The following CDC37 variants were observed in gnomAD, a reference collection of about 807,000 sequenced individuals.
CDC37 encodes hsp90 co-chaperone Cdc37.
CDC37 carries 9 observed loss-of-function variants against 46.9 expected under a neutral mutation model. The ratio of observed to expected loss-of-function variants is 0.19; its 90% CI spans 0.12 to 0.33. The LOEUF is 0.33. CDC37 is among the 10% of genes least tolerant of loss of function. The probability of loss-of-function intolerance (pLI) is 1.00; values close to 1 mark genes in which losing one functional copy is unlikely to be tolerated. For synonymous variants in CDC37, 193 were observed against 191.0 expected (o/e 1.01, Z -0.09); for missense variants, 388 against 514.6 (o/e 0.75, Z 2.38).
intron 7 of CDC37, among the ~76,000 whole-genome samples, chr19:10,392,398 A>G (rs973321880): frequency 2.0e-5 from 3 of 152,178 alleles, no homozygotes; most frequent in African/African-American, 7.2e-5. Flanking sequence ...AGAAGCTTCT[A>G]GAAACTCAGG....
At chr19:10,394,974 T>A (rs760577381) in intron 5 of CDC37, 47 bp downstream of exon 5, 1 of 1,508,902 alleles carries the variant, frequency 6.6e-7, no homozygotes, top group South Asian at 1.4e-5. Context: ...GTGGGCTGGT[T>A]CCCTGGGGAG....
intron 1 of CDC37, among the ~76,000 whole-genome samples, chr19:10,399,727 C>T (rs1444212535): frequency 6.7e-6 from 1 of 149,868 alleles, no homozygotes; most frequent in Non-Finnish European, 1.5e-5. Context: ...GTCAGGAGTT[C>T]GGGACCAGCC....
rs2042501374 is a variant in CDC37 at position 10,398,111 on chromosome 19, C to T, written c.103-1908G>A. 6.6e-6 allele frequency among the ~76,000 whole-genome samples: 1 copy of T among 152,214 alleles called. No individual in the cohort carries two copies. Among genetic ancestry groups the T allele is most frequent in the Non-Finnish European group, 1.5e-5 (1 of 68,040 alleles). The stretch of plus-strand genomic sequence containing the variant: ...TTGCTGACCCTCTCCAATCCAGGCA[C>T]AGCTGCCACCAGGGAGGCCTGTGAA... On this transcript the variant is annotated intron_variant, in intron 1 of 7. Transcript: ENST00000222005. This position sits in a 1 kb window ranked among gnomAD's most constrained non-coding sequence, Gnocchi z 4.2.
rs143150466 is a variant in CDC37, at chr19:10,396,431, G to C, written c.103-228C>G. On this transcript the variant is annotated intron_variant, in intron 1 of 7. Transcript: ENST00000222005. The surrounding 1 kb of genome is among the most constrained non-coding windows in gnomAD (Gnocchi z 5.9). ...CCCTGGCGGCTCCCATCTCACAGCA[G>C]AACCCAAGTTGTCACCACAGCCTAC... Among the ~76,000 whole-genome samples the C allele has an allele frequency of 1.3e-5, 2 of 152,180 alleles. No homozygotes were observed. The highest frequency in any genetic ancestry group is 2.4e-5 in the African/African-American group (1 of 41,448).
At chr19:10,392,806 GA>G (rs2042464702) in intron 7 of CDC37, 1 of 526,572 alleles carries the variant, frequency 1.9e-6, no homozygotes, top group African/African-American at 1.9e-5. Context: ...GATATTGAGA[GA>G]AAATGTGGTT....
intron 1 of CDC37, among the ~76,000 whole-genome samples, chr19:10,397,844 A>G (rs2042499924): frequency 2.0e-5 from 3 of 151,898 alleles, no homozygotes. Context: ...CCCCAGCCCC[A>G]GATGTCACTC....
rs774703821 is a variant in CDC37, at chr19:10,393,189, T to A, written c.910-32A>T. On this transcript the variant is annotated intron_variant, in intron 6 of 7. Transcript: ENST00000222005. The surrounding 1 kb of genome is among the most constrained non-coding windows in gnomAD (Gnocchi z 4.9). ...GTACAGAGGGGCTGGGGTCAGGGGC[T>A]GGGTCCCTGTGGCCCTGGGGGGTCC... The A allele has an allele frequency of 3.7e-6, 6 of 1,609,730 alleles. No homozygotes were observed. The highest frequency in any genetic ancestry group is 4.5e-5 in the East Asian group (2 of 44,852).
In CDC37 at chr19:10,391,655, T is replaced by A. The variant is rs1462161237; in HGVS notation, c.1033A>T (p.Asn345Tyr). ...RCIDSGLWVP[N>Y]SKASEAKEGE... ...TCCTTGGCCTCGCTGGCCTTAGAGT[T>A]GGGGACCCAGAGGCCAGAGTCAATG... Residue 345 changes from asparagine (N) to tyrosine (Y), a missense_variant, in exon 8 of 8, where the codon AAC (asparagine) becomes TAC (tyrosine). Transcript: ENST00000222005. 6.2e-7 allele frequency: 1 copy of A among 1,614,116 alleles called. No homozygotes were observed. Among genetic ancestry groups the A allele is most frequent in the Non-Finnish European group, 8.5e-7 (1 of 1,179,992 alleles).
chr19:10,396,110 T>G lies in CDC37; in HGVS notation c.196A>C (p.Arg66=), dbSNP rs2042490695. 1 of 1,613,956 alleles carries G rather than the reference T, an allele frequency of 6.2e-7. No individual in the cohort carries two copies. The highest frequency in any genetic ancestry group is 1.1e-5 in the South Asian group (1 of 91,078). Residue 66 remains arginine, a synonymous_variant, in exon 2 of 8, where the codon AGG becomes CGG. Coordinates refer to ENST00000222005, the MANE Select transcript of CDC37 (RefSeq NM_007065.4). This position sits in a 1 kb window ranked among gnomAD's most constrained non-coding sequence, Gnocchi z 5.9. ...GCCACCTCCAGCTCCTTCAGTTTCC[T>G]CTGGCACTCGGCCACCTTGCGCTTG... The part of the protein sequence containing the change: ...ECKRKVAECQ[R]KLKELEVAEG...
At chr19:10,401,840 G>A (rs1482166490) in intron 1 of CDC37, among the ~76,000 whole-genome samples, 2 of 152,164 alleles carry the variant, frequency 1.3e-5, no homozygotes, top group African/African-American at 2.4e-5. Flanking sequence ...AAGGTTCTGA[G>A]AGGTATATGC....
Position 10,396,830 on chromosome 19 carries a change from A to G in CDC37, c.103-627T>C, listed in dbSNP as rs117212300. Reference sequence around the variant, plus strand: ...AGCGATCCTTCCCTCTCGGCCTCCCAAAGTGCTGGGACTACAGGCGGGAGC... The same window carrying G: ...AGCGATCCTTCCCTCTCGGCCTCCCGAAGTGCTGGGACTACAGGCGGGAGC... On this transcript the variant is annotated intron_variant, in intron 1 of 7. Coordinates refer to ENST00000222005, the MANE Select transcript of CDC37 (RefSeq NM_007065.4). The surrounding 1 kb of genome is among the most constrained non-coding windows in gnomAD (Gnocchi z 5.9). Among the ~76,000 whole-genome samples the G allele has an allele frequency of 0.029, 4,407 of 152,274 alleles. 104 individuals are homozygous for G. Among genetic ancestry groups the G allele is most frequent in the Non-Finnish European group, 0.045 (3,063 of 68,018 alleles).
At chr19:10,391,770 G>A (rs2145415158) in intron 7 of CDC37, 64 bp from the exon 8 acceptor site, 2 of 1,553,076 alleles carry the variant, frequency 1.3e-6, no homozygotes, top group South Asian at 1.1e-5. Flanking sequence ...TGTCCCCGTT[G>A]TCCCTTGCAC....
rs773978075 is a variant in CDC37 at position 10,395,332 on chromosome 19, G to A, written c.499C>T (p.Arg167Cys). ...KQIKHFGMLRRWDDSQKYLSD... is the reference protein window; with the variant it reads ...KQIKHFGMLRCWDDSQKYLSD... ...AGGTACTTTTGGCTGTCATCCCAGC[G>A]GCGAAGCATGCCTGTGGGAAGATGC... Residue 167 changes from arginine to cysteine, a missense_variant, in exon 4 of 8, where the codon CGC (arginine) becomes TGC (cysteine). Physicochemically the swap from Arg to Cys is radical, Grantham distance 180. Around this residue, in one of 2 missense-constraint regions of CDC37, gnomAD observed 374 missense variants for 467.4 expected, o/e 0.80. Coordinates refer to ENST00000222005, the MANE Select transcript of CDC37 (RefSeq NM_007065.4). 6 of 1,614,086 alleles carry A rather than the reference G, an allele frequency of 3.7e-6. No homozygotes were observed. Among genetic ancestry groups the A allele is most frequent in the South Asian group, 1.1e-5 (1 of 91,084 alleles).
rs1229289732 is a variant in CDC37, at chr19:10,396,199, C to T, written c.107G>A (p.Arg36Gln). ...ASLFRWRHQA[R>Q]VERMEQFQKE... ...CTGGAACTGCTCCATGCGTTCCACC[C>T]GGGCCTGCGGGCAGGGACGGCCTAT... Residue 36 changes from arginine (R) to glutamine (Q), a missense_variant, in exon 2 of 8, where the codon CGG (arginine) becomes CAG (glutamine). By Grantham distance (43) the Arg-to-Gln change is conservative. Coordinates refer to ENST00000222005, the MANE Select transcript of CDC37 (RefSeq NM_007065.4). The surrounding 1 kb of genome is among the most constrained non-coding windows in gnomAD (Gnocchi z 5.9). The T allele has an allele frequency of 1.2e-6, 2 of 1,613,180 alleles. No individual in the cohort carries two copies. Among genetic ancestry groups the T allele is most frequent in the Admixed American group, 1.7e-5 (1 of 59,972 alleles).
intron 1 of CDC37, among the ~76,000 whole-genome samples, chr19:10,402,871 G>A (rs775268478): frequency 5.3e-5 from 8 of 152,084 alleles, no homozygotes; most frequent in Admixed American, 1.3e-4. Flanking sequence ...TGGCGACTCC[G>A]GATCTGAATG....
At chr19:10,402,390 C>T (rs2042524078) in intron 1 of CDC37, among the ~76,000 whole-genome samples, 1 of 151,734 alleles carries the variant, frequency 6.6e-6, no homozygotes, top group Non-Finnish European at 1.5e-5. Flanking sequence ...AGAATCAGAC[C>T]AGGAGAGTCC....
intron 1 of CDC37, chr19:10,400,456 T>C (rs1201575229): frequency 6.6e-6 from 1 of 152,078 alleles, no homozygotes; most frequent in Admixed American, 6.6e-5. Flanking sequence ...CCCAGCACTT[T>C]GTGAGGCTGA....
Position 10,393,287 on chromosome 19 carries a change from G to A in CDC37, c.881C>T (p.Pro294Leu). Reference sequence around the variant, plus strand: ...AGGGAGGGACTCGTAGACCTCGACGGGGTCCAGGCCGCCGGGGCCGAGCCG... The same window carrying A: ...AGGGAGGGACTCGTAGACCTCGACGAGGTCCAGGCCGCCGGGGCCGAGCCG... ...KKRLGPGGLDPVEVYESLPEE... is the reference protein window; with the variant it reads ...KKRLGPGGLDLVEVYESLPEE... The change falls in exon 6 of 8, where the codon CCC (proline) becomes CTC (leucine). Residue 294 changes from proline to leucine, a missense_variant. Coordinates refer to ENST00000222005, the MANE Select transcript of CDC37 (RefSeq NM_007065.4). This position sits in a 1 kb window ranked among gnomAD's most constrained non-coding sequence, Gnocchi z 4.9. 6.2e-7 allele frequency: 1 copy of A among 1,613,466 alleles called. No individual in the cohort carries two copies.
In CDC37 at chr19:10,395,147, C is replaced by G. The variant is rs761405698; in HGVS notation, c.604-4G>C. ...CCTGCTCCATGAGTGCACATTTCTG[C>G]CAGGAAGAACAGGCACAGCGTCACC... is the stretch of plus-strand genomic sequence containing the variant. On this transcript the variant is annotated splice_region_variant and splice_polypyrimidine_tract_variant and intron_variant, in intron 4 of 7. Transcript: ENST00000222005. 22 of 1,602,198 alleles carry G rather than the reference C, an allele frequency of 1.4e-5. No individual in the cohort carries two copies. Among genetic ancestry groups the G allele is most frequent in the Non-Finnish European group, 1.9e-5 (22 of 1,171,444 alleles).
Sources: allele counts gnomAD v4.1 joint callset (sites outside exome capture counted in the v4.1 genomes callset), GRCh38; gene constraint gnomAD v4.1.1; regional missense constraint gnomAD v4.1.1; non-coding constraint Gnocchi (gnomAD v3.1); transcripts MANE v1.5; gene names NCBI Gene and HGNC (gene_info 2026-07-23, HGNC 2026-07-21).